Variants in CCDC152 observed in about 807,000 individuals in gnomAD.
CCDC152 encodes coiled-coil domain containing 152.
A neutral mutation model predicts 38.1 loss-of-function variants in CCDC152; 37 were observed. The ratio of observed to expected loss-of-function variants is 0.97; its 90% confidence interval spans 0.75 to 1.28. CCDC152 has a LOEUF of 1.28. CCDC152 is among the 50% of genes most tolerant of loss of function. CCDC152 has a pLI of 0.00. For synonymous variants in CCDC152, 83 were observed against 87.1 expected (o/e 0.95, Z 0.26); for missense variants, 259 against 292.1 (o/e 0.89, Z 0.83).
chr5:42,796,023 A>C (rs1048276009), intron 6 of CCDC152, among the ~76,000 whole-genome samples: 2 of 150,462 alleles, frequency 1.3e-5, no homozygotes. Flanking sequence ...TCTCACTCAT[A>C]GGTGGGAATT....
At chr5:42,779,719 G>GT (rs33987951) in intron 5 of CCDC152, among the ~76,000 whole-genome samples, 197 bp downstream of exon 5, 5,079 of 148,256 alleles carry the variant, frequency 0.034, 217 homozygotes, top group South Asian at 0.18. Flanking sequence ...AGTTTTAAGA[G>GT]TTTTTTTTTT....
chr5:42,796,866 G>GA lies in CCDC152; in HGVS notation c.473dup (p.Glu159GlyfsTer21), dbSNP rs1238352403. ...AAGAAAAGCACAAAGAACTAATAGA[G>GA]AAAAAGGAGATGGAAATTTCAGAGT... is the stretch of plus-strand genomic sequence containing the variant. On this transcript the variant is annotated frameshift_variant, in exon 7 of 9. Coordinates refer to ENST00000361970, the MANE Select transcript of CCDC152 (RefSeq NM_001134848.2). LOFTEE classifies it high-confidence loss of function. The GA allele has an allele frequency of 1.3e-6, 2 of 1,522,376 alleles. No individual in the cohort carries two copies. The highest frequency in any genetic ancestry group is 2.8e-5 in the African/African-American group (2 of 71,076). The allele number at this position is 1,522,376 out of a possible 1,614,324, so 94.3% of individuals were successfully genotyped here.
In CCDC152 at chr5:42,799,719, C is replaced by G; in HGVS notation, c.703C>G (p.Arg235Gly). Residue 235 changes from arginine to glycine, a missense_variant, in exon 9 of 9, where the codon CGC becomes GGC. Arg to Gly is a moderately radical substitution (Grantham distance 125, BLOSUM62 -2). Transcript: ENST00000361970. The stretch of plus-strand genomic sequence containing the variant: ...GATTGCAATTCTTCGTAATACCATT[C>G]GCGATTTAGAGCAACGCCTTTCTGT... ...KEIAILRNTI[R>G]DLEQRLSVGK... 6.4e-7 allele frequency: 1 copy of G among 1,550,896 alleles called. No individual in the cohort carries two copies. Among genetic ancestry groups the G allele is most frequent in the Non-Finnish European group, 8.7e-7 (1 of 1,146,478 alleles).
chr5:42,796,840 G>A lies in CCDC152; in HGVS notation c.442G>A (p.Glu148Lys). ...QDMQRKVELN[E>K]EKHKELIEKK... The stretch of plus-strand genomic sequence containing the variant: ...TTCATTTTATTCAGTTGAATTAAAT[G>A]AAGAAAAGCACAAAGAACTAATAGA... The change falls in exon 7 of 9, where the codon GAA becomes AAA. Residue 148 changes from glutamate (E) to lysine (K), a missense_variant. By Grantham distance (56) the Glu-to-Lys change is moderately conservative. Coordinates refer to ENST00000361970, the MANE Select transcript of CCDC152 (RefSeq NM_001134848.2). 1 of 1,460,976 alleles carries A rather than the reference G, an allele frequency of 6.8e-7. No homozygotes were observed. The allele number at this position is 1,460,976 out of a possible 1,614,324, so 90.5% of individuals were successfully genotyped here. A position where few individuals can be genotyped will look rare whatever the true frequency, so the allele number is the denominator to read the frequency against.
chr5:42,802,062 A>G lies in CCDC152; in HGVS notation c.*2281A>G, dbSNP rs186721153. The G allele has an allele frequency of 1.3e-5, 2 of 152,310 alleles. No individual in the cohort carries two copies. Among genetic ancestry groups the G allele is most frequent in the Admixed American group, 1.3e-4 (2 of 15,304 alleles). The allele number at this position is 152,310 out of a possible 1,614,324, so 9.4% of individuals were successfully genotyped here. A position where few individuals can be genotyped will look rare whatever the true frequency, so the allele number is the denominator to read the frequency against. ...CAAAAATGCTAATAAACTCTGCTCA[A>G]ATGTGTTAGTTTTTCATACTTCATC... On this transcript the variant is annotated 3_prime_UTR_variant, in exon 9 of 9. Transcript: ENST00000361970.
At position 42,800,783 on chromosome 5, in the gene CCDC152, T is replaced by C. The variant is rs1459134267; in HGVS notation, c.*1002T>C. 1.2e-6 allele frequency: 2 copies of C among 1,613,952 alleles called. No homozygotes were observed. The highest frequency in any genetic ancestry group is 1.7e-5 in the Admixed American group (1 of 60,030). ...TTCAGCGTCAACTGGCACTGGCTTC[T>C]GTGGGTATAAGCTGCTGACTTATTT... On this transcript the variant is annotated 3_prime_UTR_variant, in exon 9 of 9. Coordinates refer to ENST00000361970, the MANE Select transcript of CCDC152 (RefSeq NM_001134848.2).
At chr5:42,765,660 G>C (rs1443029325) in intron 3 of CCDC152, among the ~76,000 whole-genome samples, 2 of 152,048 alleles carry the variant, frequency 1.3e-5, no homozygotes, top group Non-Finnish European at 2.9e-5. Context: ...ACATACACTG[G>C]GGAAAAGACA....
chr5:42,757,411 C>A (rs1759495444), intron 1 of CCDC152, among the ~76,000 whole-genome samples: 1 of 152,114 alleles, frequency 6.6e-6, no homozygotes, highest in South Asian at 2.1e-4. Context: ...CAAAAGGAAA[C>A]GGAACTGTCA....
At chr5:42,769,709 T>C in intron 4 of CCDC152, 44 bp downstream of exon 4, 1 of 1,448,204 alleles carries the variant, frequency 6.9e-7, no homozygotes, top group Non-Finnish European at 9.1e-7. Flanking sequence ...CATTGTGTAT[T>C]TGAGCACCTT....
intron 3 of CCDC152, among the ~76,000 whole-genome samples, chr5:42,769,074 G>A (rs1347195196): frequency 7.9e-5 from 12 of 151,784 alleles, no homozygotes; most frequent in Non-Finnish European, 1.5e-5. Context: ...ATGGTGAAAC[G>A]CCGTCTCTAC....
At position 42,764,556 on chromosome 5, in the gene CCDC152, C is replaced by G. The variant is rs867356179; in HGVS notation, c.193+2008C>G. On this transcript the variant is annotated intron_variant, in intron 3 of 8. Coordinates refer to ENST00000361970, the MANE Select transcript of CCDC152 (RefSeq NM_001134848.2). ...TACTAGCAAACCAAATTCAACAATA[C>G]ATTAGAAAGATCTTTCATCATGACC... Among the ~76,000 whole-genome samples, 23 of 152,266 alleles carry G rather than the reference C, an allele frequency of 1.5e-4. 1 individual carries two copies. In the South Asian group the frequency reaches 4.8e-3, roughly 32 times the overall value.
chr5:42,783,548 C>T lies in CCDC152; in HGVS notation c.402C>T (p.Ser134=). The stretch of plus-strand genomic sequence containing the variant: ...AGGAGGGATATAAGAAAGAAATAAG[C>T]AAACTTTATCAGGACATGCAGAGAA... The part of the protein sequence containing the change: ...IKEEGYKKEI[S]KLYQDMQRKV... The change falls in exon 6 of 9, where the codon AGC becomes AGT. Residue 134 remains serine (S), a synonymous_variant. Coordinates refer to ENST00000361970, the MANE Select transcript of CCDC152 (RefSeq NM_001134848.2). 1 of 1,379,946 alleles carries T rather than the reference C, an allele frequency of 7.2e-7. No homozygotes were observed. The highest frequency in any genetic ancestry group is 3.0e-5 in the East Asian group (1 of 33,212). The allele number at this position is 1,379,946 out of a possible 1,614,324, so 85.5% of individuals were successfully genotyped here.
At chr5:42,786,242 G>T (rs965006936) in intron 6 of CCDC152, among the ~76,000 whole-genome samples, 1 of 151,876 alleles carries the variant, frequency 6.6e-6, no homozygotes, top group African/African-American at 2.4e-5. Context: ...AAATACTCTA[G>T]TCCTGGGATT....
At position 42,801,455 on chromosome 5, in the gene CCDC152, A is replaced by G. The variant is rs1760201128; in HGVS notation, c.*1674A>G. ...TTAATTAGAATCGAGCTGGCTTTGT[A>G]TTATATTAATGAGAAAGAGTCTGAT... On this transcript the variant is annotated 3_prime_UTR_variant, in exon 9 of 9. Transcript: ENST00000361970. 1 of 705,860 alleles carries G rather than the reference A, an allele frequency of 1.4e-6. No homozygotes were observed. 43.7% of individuals were successfully genotyped at this position (705,860 alleles called of 1,614,324 possible).
chr5:42,761,008 T>C (rs1759545007), intron 2 of CCDC152, among the ~76,000 whole-genome samples: 2 of 152,176 alleles, frequency 1.3e-5, no homozygotes, highest in African/African-American at 2.4e-5. Flanking sequence ...GAGATACATA[T>C]GGATGGTAAT....
intron 6 of CCDC152, among the ~76,000 whole-genome samples, chr5:42,794,281 ATCTT>A (rs1437348902): frequency 1.3e-5 from 2 of 152,148 alleles, no homozygotes; most frequent in Non-Finnish European, 2.9e-5. Flanking sequence ...TGGAATTTGC[ATCTT>A]TCTTATACCT....
At chr5:42,767,619 A>G (rs924485324) in intron 3 of CCDC152, among the ~76,000 whole-genome samples, 5 of 152,242 alleles carry the variant, frequency 3.3e-5, no homozygotes, top group African/African-American at 7.2e-5. Context: ...ATTAAAAGCC[A>G]TTGTTCAAAA....
At chr5:42,772,052 A>T (rs2973006) in intron 4 of CCDC152, among the ~76,000 whole-genome samples, 67,768 of 151,964 alleles carry the variant, frequency 0.45, 15,310 homozygotes, top group East Asian at 0.58. Context: ...CATTAAAAAG[A>T]TCATATATCC....
rs879551001 is a variant in CCDC152 at position 42,796,253 on chromosome 5, TAAA to T, written c.431-564_431-562del. 3.2e-4 allele frequency among the ~76,000 whole-genome samples: 45 copies of T among 142,450 alleles called. No individual in the cohort carries two copies. The East Asian group carries it at 4.5e-3, about 14-fold the overall frequency. 93.5% of individuals were successfully genotyped at this position (142,450 alleles called of 152,430 possible). ...ACTTAAAGTATAATAATAATAAAAT[TAAA>T]AAAAAAAAAAAGAAAGCTAGGAAGC... On this transcript the variant is annotated intron_variant, in intron 6 of 8. Coordinates refer to ENST00000361970, the MANE Select transcript of CCDC152 (RefSeq NM_001134848.2).
Sources: allele counts gnomAD v4.1 joint callset (sites outside exome capture counted in the v4.1 genomes callset), GRCh38; gene constraint gnomAD v4.1.1; transcripts MANE v1.5; gene names NCBI Gene and HGNC (gene_info 2026-07-23, HGNC 2026-07-21).